The following CRHBP variants were observed in gnomAD, a reference collection of about 807,000 sequenced individuals.
CRHBP encodes the protein corticotropin releasing hormone binding protein, also known as corticotropin-releasing hormone-binding protein.
CRHBP carries 19 observed loss-of-function variants against 34.9 expected under a neutral mutation model. That is an observed-to-expected ratio of 0.55 (90% CI 0.38 to 0.80). CRHBP has a LOEUF of 0.80. CRHBP is among the 30% of genes least tolerant of loss of function. CRHBP has a pLI of 0.00. For missense variants in CRHBP, 328 were observed against 409.2 expected, an observed-to-expected ratio of 0.80 and a Z score of 1.71; for synonymous variants, 154 against 153.4, an observed-to-expected ratio of 1.00 and a Z score of -0.03.
intron 5 of CRHBP, among the ~76,000 whole-genome samples, chr5:76,962,799 T>A (rs1237632844): frequency 1.3e-5 from 2 of 152,192 alleles, no homozygotes; most frequent in African/African-American, 2.4e-5. Context: ...TTTAACATAC[T>A]CATAATTAAT....
At chr5:76,971,598 C>G (rs1745944904), downstream of CRHBP, among the ~76,000 whole-genome samples, 1 of 152,186 alleles carries the variant, frequency 6.6e-6, no homozygotes, top group Non-Finnish European at 1.5e-5. Context: ...TCACCCTAAT[C>G]CTAACGTTTG....
At chr5:76,977,122 G>T (rs1399639761) in intron 3 of CRHBP, among the ~76,000 whole-genome samples, 3 of 152,158 alleles carry the variant, frequency 2.0e-5, no homozygotes, top group African/African-American at 7.2e-5. Context: ...GCCAGGTAAA[G>T]GTAGGAAGGG....
At chr5:76,954,334 C>A in intron 3 of CRHBP, 148 bp downstream of exon 3, 1 of 971,288 alleles carries the variant, frequency 1.0e-6, no homozygotes, top group Non-Finnish European at 1.5e-6. Context: ...GTCGGAGAGG[C>A]GCGTTCGAGG....
At chr5:76,965,023 A>AC (rs1202978591) in intron 6 of CRHBP, among the ~76,000 whole-genome samples, 16 of 151,880 alleles carry the variant, frequency 1.1e-4, no homozygotes, top group South Asian at 1.0e-3. Context: ...GTAAAAAAAA[A>AC]ACACACAAAA....
Position 76,956,065 on chromosome 5 carries a change from G to A in CRHBP, c.544+202G>A, listed in dbSNP as rs1414565132. 2.6e-5 allele frequency among the ~76,000 whole-genome samples: 4 copies of A among 152,256 alleles called. No individual in the cohort carries two copies. In the East Asian group the frequency reaches 7.7e-4, roughly 29 times the overall value. ...GTTTTTAATTTATTTCCCAGGTTAG[G>A]TAGTATACTAATTTATGAAGAGTAC... On this transcript the variant is annotated intron_variant, in intron 4 of 6. Transcript: ENST00000274368.
intron 6 of CRHBP, among the ~76,000 whole-genome samples, chr5:76,964,659 C>T (rs1200385683): frequency 6.6e-6 from 1 of 152,054 alleles, no homozygotes; most frequent in Non-Finnish European, 1.5e-5. Flanking sequence ...TCGAGACCAG[C>T]GTGGCCAATA....
In CRHBP at chr5:76,969,045, T is replaced by A; in HGVS notation, c.*160T>A. On this transcript the variant is annotated 3_prime_UTR_variant, in exon 7 of 7. Transcript: ENST00000274368. The stretch of plus-strand genomic sequence containing the variant: ...CACACACACACATACACACACGCAT[T>A]AATTTTTGTACTTTGCTTCTTTTAT... 1.5e-6 allele frequency: 1 copy of A among 678,288 alleles called. No homozygotes were observed. The highest frequency in any genetic ancestry group is 2.3e-6 in the Non-Finnish European group (1 of 441,628). The allele number at this position is 678,288 out of a possible 1,614,324, so 42.0% of individuals were successfully genotyped here.
chr5:76,973,899 G>T (rs1247169290), downstream of CRHBP, among the ~76,000 whole-genome samples: 7 of 152,020 alleles, frequency 4.6e-5, no homozygotes, highest in Non-Finnish European at 1.0e-4. Context: ...TGCCTCCAGG[G>T]TTCAAGCGAT....
In CRHBP at chr5:76,953,627, T is replaced by C. The variant is rs1580089061; in HGVS notation, c.108T>C (p.Pro36=). ...TGAGGGAAGCGGCGGACTACGATCC[T>C]TTCCTGCTCTTCAGCGCCAACCTGA... ...LELREAADYD[P]FLLFSANLKR... The change falls in exon 2 of 7, where the codon CCT becomes CCC. Residue 36 remains proline (P), a synonymous_variant. Coordinates refer to ENST00000274368, the MANE Select transcript of CRHBP (RefSeq NM_001882.4). 1 of 1,612,906 alleles carries C rather than the reference T, an allele frequency of 6.2e-7. No homozygotes were observed. Among genetic ancestry groups the C allele is most frequent in the Non-Finnish European group, 8.5e-7 (1 of 1,179,592 alleles).
In CRHBP at chr5:76,963,382, G is replaced by C; in HGVS notation, c.733G>C (p.Glu245Gln). The change falls in exon 6 of 7, where the codon GAG (glutamate) becomes CAG (glutamine). Residue 245 changes from glutamate to glutamine, a missense_variant. Physicochemically the swap from Glu to Gln is conservative, Grantham distance 29. Transcript: ENST00000274368. Reference sequence around the variant, plus strand: ...TTGCGAGGGAATAGGAGACTTTGTGGAGCTGCTGGGAGGAACTGGATTGGA... The same window carrying C: ...TTGCGAGGGAATAGGAGACTTTGTGCAGCTGCTGGGAGGAACTGGATTGGA... The part of the protein sequence containing the change: ...AGCEGIGDFV[E>Q]LLGGTGLDPS... 6.2e-7 allele frequency: 1 copy of C among 1,614,108 alleles called. No homozygotes were observed. Among genetic ancestry groups the C allele is most frequent in the Non-Finnish European group, 8.5e-7 (1 of 1,180,024 alleles).
chr5:76,978,893 CT>C (rs1746077688), intron 3 of CRHBP, among the ~76,000 whole-genome samples: 1 of 152,208 alleles, frequency 6.6e-6, no homozygotes, highest in Non-Finnish European at 1.5e-5. Context: ...GGAAGTTCTA[CT>C]ATAGGTAAAA....
intron 3 of CRHBP, 42 bp downstream of exon 3, chr5:76,954,228 C>G: frequency 6.3e-7 from 1 of 1,597,338 alleles, no homozygotes; most frequent in Admixed American, 1.7e-5. Context: ...GAGGGCGGCA[C>G]GGGAGGGTTG....
At chr5:76,979,163 G>A (rs561844705) in intron 3 of CRHBP, among the ~76,000 whole-genome samples, 15 of 152,008 alleles carry the variant, frequency 9.9e-5, no homozygotes, top group African/African-American at 3.6e-4. Flanking sequence ...TCTTTTTCTT[G>A]TCTCTTCTTT....
At chr5:76,958,665 A>G in intron 4 of CRHBP, 76 bp from the exon 5 acceptor site, 2 of 1,492,802 alleles carry the variant, frequency 1.3e-6, no homozygotes. Flanking sequence ...GCCCTAGAAT[A>G]AGATACAATA....
Position 76,963,442 on chromosome 5 carries a change from T to A in CRHBP, c.793T>A (p.Tyr265Asn). Reference protein sequence around the residue: ...SKMTPLADLCYPFHGPAQMKV... With the variant: ...SKMTPLADLCNPFHGPAQMKV... ...GATGACGCCTTTAGCTGATCTCTGC[T>A]ACCCCTTTCATGGCCCGGGTGAGGT... The change falls in exon 6 of 7, where the codon TAC (tyrosine) becomes AAC (asparagine). Residue 265 changes from tyrosine to asparagine, a missense_variant. Coordinates refer to ENST00000274368, the MANE Select transcript of CRHBP (RefSeq NM_001882.4). 6.2e-7 allele frequency: 1 copy of A among 1,613,992 alleles called. No individual in the cohort carries two copies. Among genetic ancestry groups the A allele is most frequent in the South Asian group, 1.1e-5 (1 of 91,066 alleles).
chr5:76,969,539 C>T (rs1339339350), downstream of CRHBP: 1 of 152,434 alleles, frequency 6.6e-6, no homozygotes, highest in Non-Finnish European at 1.5e-5. Flanking sequence ...ATAATGTTAT[C>T]ATGTGGTGCA....
In CRHBP at chr5:76,966,543, T is replaced by C. The variant is rs536885823; in HGVS notation, c.812-2185T>C. 2.5e-4 allele frequency among the ~76,000 whole-genome samples: 38 copies of C among 152,276 alleles called. 1 individual carries two copies. The South Asian group carries it at 7.9e-3, about 32-fold the overall frequency. On this transcript the variant is annotated intron_variant, in intron 6 of 6. Transcript: ENST00000274368. ...CTTGGGGGAGATGCGGTTTTTCCTT[T>C]TGGTTCAGCTTTAGGAAGTTTGCAT...
In CRHBP at chr5:76,955,771, G is replaced by T. The variant is rs369495742; in HGVS notation, c.452G>T (p.Arg151Ile). The T allele has an allele frequency of 6.2e-7, 1 of 1,614,202 alleles. No individual in the cohort carries two copies. Among genetic ancestry groups the T allele is most frequent in the Non-Finnish European group, 8.5e-7 (1 of 1,180,042 alleles). The change falls in exon 4 of 7, where the codon AGA becomes ATA. Residue 151 changes from arginine (R) to isoleucine (I), a missense_variant. Arg to Ile is a moderately conservative substitution (Grantham distance 97). Transcript: ENST00000274368. ...AGTGGTCTTAGCAGGAGGAGCATCAGATCTTCCCAGAATGTGGCCATGATC... is the reference window on the plus strand; with the variant it reads ...AGTGGTCTTAGCAGGAGGAGCATCATATCTTCCCAGAATGTGGCCATGATC... The part of the protein sequence containing the change: ...CESGLSRRSI[R>I]SSQNVAMIFF...
chr5:76,976,723 A>G (rs770818454), intron 3 of CRHBP, among the ~76,000 whole-genome samples: 9 of 152,206 alleles, frequency 5.9e-5, no homozygotes, highest in Non-Finnish European at 1.3e-4. Context: ...TTATCAGTCA[A>G]GTCTTTGGTA....
Sources: gnomAD v4.1 joint callset for allele counts (sites outside exome capture counted in the v4.1 genomes callset) on GRCh38, gnomAD v4.1.1 for gene constraint, MANE v1.5 for transcripts, NCBI Gene and HGNC (gene_info 2026-07-23, HGNC 2026-07-21) for gene names.